The following CTNNA3 variants were observed in gnomAD, a reference collection of about 807,000 sequenced individuals.
CTNNA3 encodes catenin alpha-3.
A neutral mutation model predicts 95.7 loss-of-function variants in CTNNA3; 76 were observed. That is an observed-to-expected ratio of 0.79 (90% CI 0.66 to 0.96). CTNNA3 has a LOEUF of 0.96. CTNNA3 is among the 40% of genes least tolerant of loss of function. The pLI is 0.00. For synonymous variants in CTNNA3, 431 were observed against 374.4 expected (o/e 1.15, Z -1.74); for missense variants, 1,191 against 1,089.8 (o/e 1.09, Z -1.31).
chr10:67,533,151 C>G (rs1440648137), intron 4 of CTNNA3, among the ~76,000 whole-genome samples: 3 of 152,080 alleles, frequency 2.0e-5, no homozygotes, highest in Non-Finnish European at 4.4e-5. Flanking sequence ...TGGCAAAACA[C>G]TGTCTTTACT....
chr10:66,906,693 T>C (rs1397265874), intron 7 of CTNNA3, among the ~76,000 whole-genome samples: 11 of 152,124 alleles, frequency 7.2e-5, no homozygotes, highest in Admixed American at 6.6e-4. Flanking sequence ...TGGTGTTGAC[T>C]GGTATTTGAT....
intron 1 of CTNNA3, among the ~76,000 whole-genome samples, chr10:67,712,773 A>G (rs1459286045): frequency 6.6e-6 from 1 of 152,224 alleles, no homozygotes; most frequent in African/African-American, 2.4e-5. Context: ...CACCTTATAC[A>G]AAAACTAACT....
At chr10:66,463,831 C>T (rs12771507) in intron 11 of CTNNA3, among the ~76,000 whole-genome samples, 40,763 of 151,494 alleles carry the variant, frequency 0.27, 5,643 homozygotes, top group South Asian at 0.39. Flanking sequence ...GAGAACGATG[C>T]TCTGGCAAAA....
chr10:67,555,428 G>C (rs7097438), intron 3 of CTNNA3, among the ~76,000 whole-genome samples: 6 of 151,898 alleles, frequency 4.0e-5, no homozygotes, highest in African/African-American at 1.4e-4. Flanking sequence ...CTTTTATTTC[G>C]TTGAGCAGTG....
At chr10:67,443,845 G>A (rs1366275256) in intron 5 of CTNNA3, among the ~76,000 whole-genome samples, 2 of 151,958 alleles carry the variant, frequency 1.3e-5, no homozygotes, top group Admixed American at 1.3e-4. Context: ...CATTGCTTTT[G>A]GTGTTTCAGA....
At chr10:66,456,419 C>T (rs1215731578) in intron 11 of CTNNA3, among the ~76,000 whole-genome samples, 1 of 152,144 alleles carries the variant, frequency 6.6e-6, no homozygotes, top group Non-Finnish European at 1.5e-5. Flanking sequence ...GTCTTTGCAA[C>T]AAATGATGTT....
chr10:66,616,128 T>C (rs1443904590), intron 10 of CTNNA3, among the ~76,000 whole-genome samples: 3 of 151,994 alleles, frequency 2.0e-5, no homozygotes, highest in East Asian at 1.9e-4. Context: ...CTCTCTTTCA[T>C]AAAACAGACA....
intron 7 of CTNNA3, among the ~76,000 whole-genome samples, chr10:66,972,107 T>TA (rs1849754935): frequency 6.6e-6 from 1 of 152,186 alleles, no homozygotes. Context: ...AGTGTTGCCA[T>TA]AGCACACCTA....
In CTNNA3 at chr10:67,745,928, C is replaced by T. The variant is rs553732389; in HGVS notation, c.-2+17506G>A. The stretch of plus-strand genomic sequence containing the variant: ...CACTGATGAAAGAAATTGAAGAGGA[C>T]ACAAAAAAATAGAAAGATATTCCAT... On this transcript the variant is annotated intron_variant, in intron 1 of 17. Coordinates refer to the CTNNA3 transcript ENST00000684154. Among the ~76,000 whole-genome samples, 4 of 152,054 alleles carry T rather than the reference C, an allele frequency of 2.6e-5. No individual in the cohort carries two copies. In the South Asian group the frequency reaches 8.3e-4, roughly 32 times the overall value.
rs531309797 is a variant in CTNNA3, at chr10:66,230,368, T to C, written c.1884+50102A>G. On this transcript the variant is annotated intron_variant, in intron 13 of 17. Coordinates refer to ENST00000433211, the MANE Select transcript of CTNNA3 (RefSeq NM_013266.4). Reference sequence around the variant, plus strand: ...ATAGGGAAAGACTTTTTCCTGTAGATATTTTCAATAATGTGGGTTGGATAG... The same window carrying C: ...ATAGGGAAAGACTTTTTCCTGTAGACATTTTCAATAATGTGGGTTGGATAG... 1.1e-4 allele frequency among the ~76,000 whole-genome samples: 17 copies of C among 152,242 alleles called. No homozygotes were observed. In the East Asian group the frequency reaches 3.3e-3, roughly 29 times the overall value.
intron 17 of CTNNA3, among the ~76,000 whole-genome samples, chr10:65,947,753 C>A (rs1240475883): frequency 2.0e-5 from 3 of 152,212 alleles, no homozygotes; most frequent in Non-Finnish European, 4.4e-5. Context: ...CACAGCATAA[C>A]CTAGCCTAAA....
intron 11 of CTNNA3, among the ~76,000 whole-genome samples, chr10:66,508,595 G>A (rs1361540733): frequency 1.3e-5 from 2 of 151,908 alleles, no homozygotes; most frequent in African/African-American, 4.8e-5. Flanking sequence ...TTTAACTGTG[G>A]CTATTTTCCT....
At chr10:67,148,438 C>A (rs1357625395) in intron 7 of CTNNA3, among the ~76,000 whole-genome samples, 1 of 152,128 alleles carries the variant, frequency 6.6e-6, no homozygotes, top group East Asian at 1.9e-4. Flanking sequence ...CATCTAGGTA[C>A]CTCACATAAA....
Position 67,419,162 on chromosome 10 carries a change from A to G in CTNNA3, c.579+102680T>C, listed in dbSNP as rs182862299. On this transcript the variant is annotated intron_variant, in intron 5 of 17. Transcript: ENST00000433211. ...TCTACCATGGTGACTGAATTAAACA[A>G]GATCCTCAGGTGGTTCATGTGTACA... Among the ~76,000 whole-genome samples, 336 of 152,318 alleles carry G rather than the reference A, an allele frequency of 2.2e-3. 3 individuals carry two copies. The highest frequency in any genetic ancestry group is 7.7e-3 in the African/African-American group (322 of 41,570).
intron 17 of CTNNA3, among the ~76,000 whole-genome samples, chr10:65,949,306 C>A (rs1445314817): frequency 2.0e-5 from 3 of 152,176 alleles, no homozygotes; most frequent in Non-Finnish European, 4.4e-5. Flanking sequence ...AAGTTATGTT[C>A]ATTTATTAGC....
intron 5 of CTNNA3, among the ~76,000 whole-genome samples, chr10:67,267,387 T>C (rs1866873604): frequency 6.6e-6 from 1 of 152,178 alleles, no homozygotes; most frequent in Admixed American, 6.5e-5. Context: ...GTTTTTGAGA[T>C]GGAGTCTCGC....
In CTNNA3 at chr10:66,550,814, A is replaced by AT. The variant is rs200896411; in HGVS notation, c.1375-30042dup. Among the ~76,000 whole-genome samples, 1,295 of 144,240 alleles carry AT rather than the reference A, an allele frequency of 9.0e-3. 17 individuals carry two copies. The highest frequency in any genetic ancestry group is 0.032 in the African/African-American group (1,235 of 38,996). 94.6% of individuals were successfully genotyped at this position (144,240 alleles called of 152,430 possible). A position where few individuals can be genotyped will look rare whatever the true frequency, so the allele number is the denominator to read the frequency against. Reference sequence around the variant, plus strand: ...TTGATTTTCTGCTTATAAATCTCTGATTTTTTTTTCAGTTTGTTCTAGAGA... The same window carrying AT: ...TTGATTTTCTGCTTATAAATCTCTGATTTTTTTTTTCAGTTTGTTCTAGAGA... On this transcript the variant is annotated intron_variant, in intron 10 of 17. Transcript: ENST00000433211.
chr10:67,359,985 C>T (rs1382286710), intron 5 of CTNNA3, among the ~76,000 whole-genome samples: 8 of 152,094 alleles, frequency 5.3e-5, no homozygotes. Flanking sequence ...GCAACCCCAG[C>T]AGGCTAACAG....
chr10:67,372,810 G>A (rs1241175009), intron 5 of CTNNA3, among the ~76,000 whole-genome samples: 2 of 152,146 alleles, frequency 1.3e-5, no homozygotes, highest in Non-Finnish European at 2.9e-5. Flanking sequence ...GAAGAGACTG[G>A]GGGCCAATAT....
Sources: gnomAD v4.1 joint callset for allele counts (sites outside exome capture counted in the v4.1 genomes callset) on GRCh38, gnomAD v4.1.1 for gene constraint, MANE v1.5 for transcripts, NCBI Gene and HGNC (gene_info 2026-07-23, HGNC 2026-07-21) for gene names.